TAF1C: variants seen among roughly 807,000 people sequenced by gnomAD.
The protein encoded by TAF1C is TATA box-binding protein-associated factor RNA polymerase I subunit C.
Under a neutral mutation model 70.5 loss-of-function variants are expected in TAF1C, and 79 were observed. The ratio of observed to expected loss-of-function variants is 1.12; its 90% CI spans 0.93 to 1.35. TAF1C has a LOEUF of 1.35. Among genes scored for constraint, TAF1C ranks in the 40% most tolerant of loss-of-function variants. The probability of loss-of-function intolerance (pLI) is 0.00; values close to 1 mark genes in which losing one functional copy is unlikely to be tolerated. For synonymous variants in TAF1C, 614 were observed against 491.1 expected (o/e 1.25, Z -3.31); for missense variants, 1,412 against 1,127.8 (o/e 1.25, Z -3.61).
chr16:84,180,608 A>T lies in TAF1C; in HGVS notation c.1309-264T>A, dbSNP rs4150162. ...AGAAGAGGTGTGGGGGAGCCTTGCC[A>T]GCAGAAACCTGCCTGGCCTTCTCGC... On this transcript the variant is annotated intron_variant, in intron 12 of 14. Coordinates refer to ENST00000566732, the MANE Select transcript of TAF1C (RefSeq NM_001243156.2). 0.12 allele frequency: 70,566 copies of T among 583,286 alleles called. 5,263 individuals carry two copies. The highest frequency in any genetic ancestry group is 0.27 in the African/African-American group (13,929 of 51,180). The allele number at this position is 583,286 out of a possible 1,614,324, so 36.1% of individuals were successfully genotyped here. A position where few individuals can be genotyped will look rare whatever the true frequency, so the allele number is the denominator to read the frequency against.
chr16:84,182,143 A>G lies in TAF1C; in HGVS notation c.721+59T>C. On this transcript the variant is annotated intron_variant, in intron 7 of 14. Coordinates refer to ENST00000566732, the MANE Select transcript of TAF1C (RefSeq NM_001243156.2). This position sits in a 1 kb window ranked among gnomAD's most constrained non-coding sequence, Gnocchi z 5.0. The stretch of plus-strand genomic sequence containing the variant: ...CTGCCCTTCTCTGGACCATGCCAAG[A>G]GCACCTCCTCTACCAGAGGCGAGCC... 1 of 1,590,554 alleles carries G rather than the reference A, an allele frequency of 6.3e-7. No individual in the cohort carries two copies. The highest frequency in any genetic ancestry group is 8.6e-7 in the Non-Finnish European group (1 of 1,166,812).
chr16:84,183,407 C>T lies in TAF1C; in HGVS notation c.318+3G>A. On this transcript the variant is annotated splice_donor_region_variant and intron_variant, in intron 4 of 14. Coordinates refer to ENST00000566732, the MANE Select transcript of TAF1C (RefSeq NM_001243156.2). ...CAGCACTGTCCCCCGTGGGCCCACT[C>T]ACCTGCTCAGTCACATCCAGCACGA... The T allele has an allele frequency of 6.2e-7, 1 of 1,613,036 alleles. No individual in the cohort carries two copies. Among genetic ancestry groups the T allele is most frequent in the East Asian group, 2.2e-5 (1 of 44,838 alleles).
rs750641588 is a variant in TAF1C at position 84,182,290 on chromosome 16, G to A, written c.633C>T (p.Cys211=). Residue 211 remains cysteine, a synonymous_variant, in exon 7 of 15, where the codon TGC becomes TGT. Coordinates refer to ENST00000566732, the MANE Select transcript of TAF1C (RefSeq NM_001243156.2). This position sits in a 1 kb window ranked among gnomAD's most constrained non-coding sequence, Gnocchi z 5.0. ...GAACCCAGGCCAGCGCGCCCCCAGT[G>A]CAGGCCTCATCCAGAAGCAGCTGCT... ...RWEQLLLDEA[C]TGGALAWVPG... is the part of the protein sequence containing the mutation. 59 of 1,612,886 alleles carry A rather than the reference G, an allele frequency of 3.7e-5. No individual in the cohort carries two copies. The highest frequency in any genetic ancestry group is 4.6e-5 in the Non-Finnish European group (54 of 1,179,962).
chr16:84,181,283 G>A lies in TAF1C; in HGVS notation c.1164+45C>T, dbSNP rs202096067. 3.7e-4 allele frequency: 587 copies of A among 1,607,296 alleles called. 2 individuals are homozygous for A. Among genetic ancestry groups the A allele is most frequent in the Non-Finnish European group, 4.5e-4 (528 of 1,175,230 alleles). ...GCCAGCCTGGGACTCACCGCTCTGC[G>A]GCCGCTCCCGCAGTCGGGGTGGGTC... On this transcript the variant is annotated intron_variant, in intron 11 of 14. Transcript: ENST00000566732.
intron 2 of TAF1C, 60 bp from the exon 3 acceptor site, chr16:84,183,838 G>T: frequency 1.5e-6 from 2 of 1,310,438 alleles, no homozygotes; most frequent in Non-Finnish European, 1.1e-6. Context: ...GGGCCAGGCT[G>T]TGCACAGGCA....
chr16:84,183,166 T>C lies in TAF1C; in HGVS notation c.409-17A>G. 1 of 1,613,960 alleles carries C rather than the reference T, an allele frequency of 6.2e-7. No homozygotes were observed. Among genetic ancestry groups the C allele is most frequent in the Non-Finnish European group, 8.5e-7 (1 of 1,180,000 alleles). On this transcript the variant is annotated splice_polypyrimidine_tract_variant and intron_variant, in intron 5 of 14. Coordinates refer to ENST00000566732, the MANE Select transcript of TAF1C (RefSeq NM_001243156.2). ...AGTGCGGCTCTGCATGGAAAGGCCT[T>C]GTCAGGCTCACACACCCTCGAGTTC...
In TAF1C at chr16:84,181,763, G is replaced by A. The variant is rs371175574; in HGVS notation, c.939C>T (p.Ala313=). ...CCCCTCACCTGAGGCTGATCCCCGTGGCCCCTTTCTCCACCTGCATTGCCT... is the reference window on the plus strand; with the variant it reads ...CCCCTCACCTGAGGCTGATCCCCGTAGCCCCTTTCTCCACCTGCATTGCCT... ...LLQAMQVEKG[A]TGISLSPHLP... Residue 313 remains alanine (A), a synonymous_variant, in exon 9 of 15, where the codon GCC becomes GCT. Coordinates refer to ENST00000566732, the MANE Select transcript of TAF1C (RefSeq NM_001243156.2). 5.1e-5 allele frequency: 83 copies of A among 1,614,052 alleles called. No individual in the cohort carries two copies. The African/African-American group carries it at 1.0e-3, about 20-fold the overall frequency.
At position 84,178,961 on chromosome 16, in the gene TAF1C, T is replaced by G; in HGVS notation, c.2512A>C (p.Lys838Gln). Reference protein sequence around the residue: ...VLSSSQPLRKKPRMGF With the variant: ...VLSSSQPLRKQPRMGF ...TGTCCTCAGAAGCCCATTCGAGGCTTCTTCCGGAGGGGCTGAGAGCTAGAG... is the reference window on the plus strand; with the variant it reads ...TGTCCTCAGAAGCCCATTCGAGGCTGCTTCCGGAGGGGCTGAGAGCTAGAG... The change falls in exon 15 of 15, where the codon AAG becomes CAG. Residue 838 changes from lysine to glutamine, a missense_variant. By Grantham distance (53) the Lys-to-Gln change is moderately conservative (BLOSUM62 1). Coordinates refer to ENST00000566732, the MANE Select transcript of TAF1C (RefSeq NM_001243156.2). 1 of 1,609,286 alleles carries G rather than the reference T, an allele frequency of 6.2e-7. No individual in the cohort carries two copies. The highest frequency in any genetic ancestry group is 8.5e-7 in the Non-Finnish European group (1 of 1,178,912).
In TAF1C at chr16:84,179,341, T is replaced by C. The variant is rs1444347161; in HGVS notation, c.2132A>G (p.Gln711Arg). 6.2e-7 allele frequency: 1 copy of C among 1,601,378 alleles called. No individual in the cohort carries two copies. Among genetic ancestry groups the C allele is most frequent in the South Asian group, 1.1e-5 (1 of 90,954 alleles). The stretch of plus-strand genomic sequence containing the variant: ...TCTCCCGGGCTCCGAGGTCCTGCCC[T>C]GCTGCCTCTCCCACCAGGCAGCCCC... ...GRGAAWWERQ[Q>R]GRTSEPGRQT... Residue 711 changes from glutamine to arginine, a missense_variant, in exon 15 of 15, where the codon CAG becomes CGG. Transcript: ENST00000566732.
In TAF1C at chr16:84,183,330, T is replaced by G. The variant is rs760234773; in HGVS notation, c.322A>C (p.Ser108Arg). The change falls in exon 5 of 15, where the codon AGC becomes CGC. Residue 108 changes from serine (S) to arginine (R), a missense_variant. Ser to Arg is a moderately radical substitution (Grantham distance 110). Coordinates refer to ENST00000566732, the MANE Select transcript of TAF1C (RefSeq NM_001243156.2). ...RVVLDVTEQI[S>R]RFLLDHGDVA... Reference sequence around the variant, plus strand: ...TCTCCATGATCCAAGAGGAACCGGCTGATCTGGGGAGAAGAGGAGGCCAGG... The same window carrying G: ...TCTCCATGATCCAAGAGGAACCGGCGGATCTGGGGAGAAGAGGAGGCCAGG... 1 of 1,613,942 alleles carries G rather than the reference T, an allele frequency of 6.2e-7. No homozygotes were observed. The highest frequency in any genetic ancestry group is 1.3e-5 in the African/African-American group (1 of 75,040).
In TAF1C at chr16:84,180,286, T is replaced by C. The variant is rs1325447300; in HGVS notation, c.1367A>G (p.His456Arg). The C allele has an allele frequency of 6.5e-7, 1 of 1,549,496 alleles. No individual in the cohort carries two copies. The highest frequency in any genetic ancestry group is 1.2e-5 in the South Asian group (1 of 84,244). The change falls in exon 13 of 15, where the codon CAT (histidine) becomes CGT (arginine). Residue 456 changes from histidine to arginine, a missense_variant. His to Arg is a conservative substitution (Grantham distance 29). Coordinates refer to ENST00000566732, the MANE Select transcript of TAF1C (RefSeq NM_001243156.2). ...LPLVPMLKWNHGLPSPLLLAR... is the reference protein window; with the variant it reads ...LPLVPMLKWNRGLPSPLLLAR... ...CAGCAGGAGCGGGGAGGGGAGGCCA[T>C]GGTTCCACTTCAGCATCGGCACCAG...
At position 84,179,325 on chromosome 16, in the gene TAF1C, C is replaced by A; in HGVS notation, c.2148G>T (p.Glu716Asp). 1.9e-6 allele frequency: 3 copies of A among 1,600,584 alleles called. No homozygotes were observed. The highest frequency in any genetic ancestry group is 2.5e-6 in the Non-Finnish European group (3 of 1,179,046). The stretch of plus-strand genomic sequence containing the variant: ...TGGGCCGCCTGGTCTGTCTCCCGGG[C>A]TCCGAGGTCCTGCCCTGCTGCCTCT... ...WWERQQGRTS[E>D]PGRQTRRPKR... The change falls in exon 15 of 15, where the codon GAG becomes GAT. Residue 716 changes from glutamate (E) to aspartate (D), a missense_variant. By Grantham distance (45) the Glu-to-Asp change is conservative. Transcript: ENST00000566732.
Position 84,177,926 on chromosome 16 carries a change from CAG to C in TAF1C, c.*1013_*1014del. On this transcript the variant is annotated 3_prime_UTR_variant, in exon 15 of 15. Transcript: ENST00000566732. ...TAAACATTTTAACACCCACGCGAGT[CAG>C]TGTATGATTGGGCTAGCTCCTGTTT... is the stretch of plus-strand genomic sequence containing the variant. 8.7e-7 allele frequency: 1 copy of C among 1,155,062 alleles called. No homozygotes were observed. The highest frequency in any genetic ancestry group is 1.3e-6 in the Non-Finnish European group (1 of 774,052). 71.6% of individuals were successfully genotyped at this position (1,155,062 alleles called of 1,614,324 possible).
At chr16:84,186,437 G>GC (rs2089493955) in intron 1 of TAF1C, among the ~76,000 whole-genome samples, 1 of 152,098 alleles carries the variant, frequency 6.6e-6, no homozygotes, top group Middle Eastern at 3.2e-3. Flanking sequence ...ACCTGTAATC[G>GC]CAACTACCGA....
chr16:84,186,602 A>G (rs2089501287), intron 1 of TAF1C, among the ~76,000 whole-genome samples: 1 of 152,250 alleles, frequency 6.6e-6, no homozygotes, highest in South Asian at 2.1e-4. Context: ...GCATAGCCTG[A>G]AACGATCCTA....
Position 84,179,998 on chromosome 16 carries a change from C to T in TAF1C, c.1569G>A (p.Leu523=). Residue 523 remains leucine (L), a synonymous_variant, in exon 14 of 15, where the codon CTG becomes CTA. Transcript: ENST00000566732. Reference sequence around the variant, plus strand: ...GCAGCCGCCACTGGATCTTAGGCTCCAGCAGAGGAAATGCAGGGAGGGAGT... The same window carrying T: ...GCAGCCGCCACTGGATCTTAGGCTCTAGCAGAGGAAATGCAGGGAGGGAGT... The part of the protein sequence containing the change: ...RIDSLPAFPL[L]EPKIQWRLQE... 6.2e-7 allele frequency: 1 copy of T among 1,612,332 alleles called. No individual in the cohort carries two copies. The highest frequency in any genetic ancestry group is 8.5e-7 in the Non-Finnish European group (1 of 1,179,828).
chr16:84,182,184 T>C lies in TAF1C; in HGVS notation c.721+18A>G. The C allele has an allele frequency of 6.2e-7, 1 of 1,600,602 alleles. No individual in the cohort carries two copies. The highest frequency in any genetic ancestry group is 8.5e-7 in the Non-Finnish European group (1 of 1,171,402). ...GAGGCGAGCCCGCTGGAATCTCCTG[T>C]CTCGCAAGAAAGGATACGCAGCCTG... On this transcript the variant is annotated intron_variant, in intron 7 of 14. Coordinates refer to ENST00000566732, the MANE Select transcript of TAF1C (RefSeq NM_001243156.2). The surrounding 1 kb of genome is among the most constrained non-coding windows in gnomAD (Gnocchi z 5.0).
chr16:84,178,811 G>A lies in TAF1C; in HGVS notation c.*130C>T. On this transcript the variant is annotated 3_prime_UTR_variant, in exon 15 of 15. Transcript: ENST00000566732. Reference sequence around the variant, plus strand: ...CTTCAACTTGGCTCCAAATTGCTTGGCTCATCATCACAGTGGCCTCCAGAA... The same window carrying A: ...CTTCAACTTGGCTCCAAATTGCTTGACTCATCATCACAGTGGCCTCCAGAA... The A allele has an allele frequency of 4.9e-6, 5 of 1,017,564 alleles. No homozygotes were observed. Among genetic ancestry groups the A allele is most frequent in the Non-Finnish European group, 7.0e-6 (5 of 710,822 alleles). 63.0% of individuals were successfully genotyped at this position (1,017,564 alleles called of 1,614,324 possible).
At position 84,179,605 on chromosome 16, in the gene TAF1C, G is replaced by A. The variant is rs139380627; in HGVS notation, c.1868C>T (p.Ala623Val). 1,976 of 1,612,754 alleles carry A rather than the reference G, an allele frequency of 1.2e-3. 2 individuals carry two copies. The highest frequency in any genetic ancestry group is 2.1e-3 in the Middle Eastern group (12 of 5,732). Residue 623 changes from alanine (A) to valine (V), a missense_variant, in exon 15 of 15, where the codon GCT becomes GTT. Transcript: ENST00000566732. ...WLKALLKVPL[A>V]PPVWTAPTFT... ...GGTGGGTGCTGTCCACACAGGAGGA[G>A]CCAGGGGCACTTTTAGCAGGGCCTT...
Sources: allele counts gnomAD v4.1 joint callset (sites outside exome capture counted in the v4.1 genomes callset), GRCh38; gene constraint gnomAD v4.1.1; non-coding constraint Gnocchi (gnomAD v3.1); transcripts MANE v1.5; gene names NCBI Gene and HGNC (gene_info 2026-07-23, HGNC 2026-07-21).